DNM3: variants seen among roughly 807,000 people sequenced by gnomAD.
The protein encoded by DNM3 is dynamin-3.
In DNM3, 47 loss-of-function variants were observed where a neutral mutation model predicts 101.6. The ratio of observed to expected loss-of-function variants is 0.46; its 90% CI spans 0.37 to 0.59. The LOEUF is 0.59. DNM3 is among the 20% of genes least tolerant of loss of function. The pLI, the probability that DNM3 is intolerant of heterozygous loss-of-function variation, is 0.00. For missense variants in DNM3, 849 were observed against 1,085.7 expected, an observed-to-expected ratio of 0.78 and a Z score of 3.06; for synonymous variants, 385 against 387.9, an observed-to-expected ratio of 0.99 and a Z score of 0.09.
chr1:171,982,345 C>T (rs1255246656), intron 2 of DNM3, among the ~76,000 whole-genome samples: 2 of 152,130 alleles, frequency 1.3e-5, no homozygotes, highest in East Asian at 3.9e-4. Context: ...CTACAATTAT[C>T]ATCATAGAGA....
intron 14 of DNM3, among the ~76,000 whole-genome samples, chr1:172,243,791 A>G (rs965550300): frequency 6.6e-6 from 1 of 152,214 alleles, no homozygotes. Flanking sequence ...AAAGCAAGGA[A>G]TTAAAATCCA....
downstream of DNM3, among the ~76,000 whole-genome samples, chr1:172,416,815 G>A (rs887018690): frequency 6.6e-6 from 1 of 152,120 alleles, no homozygotes; most frequent in East Asian, 1.9e-4. Flanking sequence ...CCCATTACCT[G>A]GATCTCTAAA....
At chr1:172,270,013 T>C (rs958927174) in intron 15 of DNM3, among the ~76,000 whole-genome samples, 4 of 152,176 alleles carry the variant, frequency 2.6e-5, no homozygotes, top group African/African-American at 7.2e-5. Flanking sequence ...TATTGACTAT[T>C]GGAATAATCA....
At chr1:172,259,893 C>G (rs1198651079) in intron 15 of DNM3, among the ~76,000 whole-genome samples, 1 of 151,546 alleles carries the variant, frequency 6.6e-6, no homozygotes, top group Non-Finnish European at 1.5e-5. Flanking sequence ...TTTTCCCTTC[C>G]TTGTTTCTGT....
chr1:172,173,287 G>A (rs1056612559), intron 14 of DNM3, among the ~76,000 whole-genome samples: 1 of 151,610 alleles, frequency 6.6e-6, no homozygotes. Flanking sequence ...AAGAGTCAGG[G>A]ATGACGCCAA....
chr1:171,976,728 CATAGAA>C (rs2044400999), intron 2 of DNM3, among the ~76,000 whole-genome samples: 1 of 152,164 alleles, frequency 6.6e-6, no homozygotes, highest in Non-Finnish European at 1.5e-5. Context: ...ATTACATACT[CATAGAA>C]AAAGTTTTTT....
chr1:172,251,206 G>T (rs944991618), intron 14 of DNM3, among the ~76,000 whole-genome samples: 3 of 152,058 alleles, frequency 2.0e-5, no homozygotes, highest in Non-Finnish European at 2.9e-5. Flanking sequence ...TGATTAAGAT[G>T]ATGCTAAGAC....
At chr1:172,003,989 G>A (rs1313774389) in intron 4 of DNM3, among the ~76,000 whole-genome samples, 1 of 152,038 alleles carries the variant, frequency 6.6e-6, no homozygotes, top group Admixed American at 6.6e-5. Flanking sequence ...TCAGCAGCTG[G>A]GAGGTTGAAG....
chr1:172,041,374 G>T (rs1358760722), intron 7 of DNM3, among the ~76,000 whole-genome samples: 1 of 152,184 alleles, frequency 6.6e-6, no homozygotes. Context: ...GGGAATGCAG[G>T]AGGATCAGCA....
intron 8 of DNM3, 128 bp downstream of exon 8, chr1:172,042,272 A>C: frequency 1.2e-6 from 1 of 860,772 alleles, no homozygotes; most frequent in Non-Finnish European, 1.6e-6. Context: ...CTCCATATTC[A>C]GGTAATGAAA....
chr1:171,930,041 T>A (rs1018046015), intron 2 of DNM3, among the ~76,000 whole-genome samples: 8 of 151,966 alleles, frequency 5.3e-5, no homozygotes, highest in African/African-American at 1.9e-4. Flanking sequence ...GTCTGCAGGC[T>A]CTGGTTGAAA....
chr1:172,372,985 T>C (rs1425406756), intron 17 of DNM3, among the ~76,000 whole-genome samples: 1 of 152,022 alleles, frequency 6.6e-6, no homozygotes, highest in African/African-American at 2.4e-5. Context: ...TGGCCTGTGA[T>C]GAGAATTTTT....
intron 1 of DNM3, among the ~76,000 whole-genome samples, chr1:171,909,191 A>C (rs1436887771): frequency 6.6e-6 from 1 of 152,202 alleles, no homozygotes; most frequent in Non-Finnish European, 1.5e-5. Context: ...CTGTAATGTC[A>C]GCACTTTGGG....
intron 14 of DNM3, chr1:172,133,463 G>T (rs1558621253): frequency 1.4e-5 from 14 of 979,246 alleles, no homozygotes; most frequent in Non-Finnish European, 1.7e-5. Context: ...GTAGTTGGGG[G>T]CAGGTGAGAG....
chr1:172,276,791 A>G (rs2063308465), intron 15 of DNM3, among the ~76,000 whole-genome samples: 1 of 152,046 alleles, frequency 6.6e-6, no homozygotes, highest in Admixed American at 6.6e-5. Context: ...AAAGAGTATG[A>G]GAATTATAAG....
At chr1:172,285,171 A>T (rs1178471109) in intron 15 of DNM3, among the ~76,000 whole-genome samples, 2 of 152,200 alleles carry the variant, frequency 1.3e-5, no homozygotes, top group African/African-American at 2.4e-5. Context: ...GAAGTGCATG[A>T]TTTTTTAAAA....
chr1:172,334,882 A>G (rs2066349984), intron 17 of DNM3, among the ~76,000 whole-genome samples: 1 of 152,178 alleles, frequency 6.6e-6, no homozygotes, highest in African/African-American at 2.4e-5. Flanking sequence ...TAATTTTTAT[A>G]AATTTGGGTA....
intron 1 of DNM3, among the ~76,000 whole-genome samples, chr1:171,886,285 A>G (rs2036760560): frequency 6.6e-6 from 1 of 152,206 alleles, no homozygotes; most frequent in Admixed American, 6.5e-5. Context: ...AGCCTCACAG[A>G]TAGTAGATCC....
chr1:172,295,797 A>G (rs1020193029), intron 15 of DNM3, among the ~76,000 whole-genome samples: 1 of 152,180 alleles, frequency 6.6e-6, no homozygotes, highest in African/African-American at 2.4e-5. Context: ...TGAGATTAAA[A>G]CCAAAACCCA....
Sources: allele counts gnomAD v4.1 joint callset (sites outside exome capture counted in the v4.1 genomes callset), GRCh38; gene constraint gnomAD v4.1.1; transcripts MANE v1.5; gene names NCBI Gene and HGNC (gene_info 2026-07-23, HGNC 2026-07-21).